The following CFH variants were observed in gnomAD, a reference collection of about 807,000 sequenced individuals.
CFH encodes H factor 1 (complement).
Under a neutral mutation model 147.3 loss-of-function variants are expected in CFH, and 53 were observed. The observed-to-expected ratio is 0.36, with a 90% CI of 0.29 to 0.45. CFH has a LOEUF of 0.45. Among genes scored for constraint, CFH ranks in the 20% least tolerant of loss-of-function variants. The pLI, the probability that CFH is intolerant of heterozygous loss-of-function variation, is 1.00. For synonymous variants in CFH, 536 were observed against 489.4 expected (o/e 1.10, Z -1.26); for missense variants, 1,380 against 1,498.0 (o/e 0.92, Z 1.30).
intron 1 of CFH, 42 bp from the exon 2 acceptor site, chr1:196,672,936 A>C (rs370778401): frequency 2.7e-5 from 42 of 1,536,248 alleles, no homozygotes; most frequent in Non-Finnish European, 3.7e-5. Flanking sequence ...TGTACATTTA[A>C]ATAGACACTT....
chr1:196,689,212 A>G (rs958211661), intron 7 of CFH, among the ~76,000 whole-genome samples: 6 of 152,158 alleles, frequency 3.9e-5, no homozygotes, highest in African/African-American at 1.4e-4. Context: ...GTGATCCACA[A>G]GACATAATTT....
chr1:196,704,972 A>C (rs1422300760), intron 9 of CFH, among the ~76,000 whole-genome samples: 3 of 152,190 alleles, frequency 2.0e-5, no homozygotes, highest in Non-Finnish European at 2.9e-5. Flanking sequence ...GAGTCCCATG[A>C]AGTGTTTGCC....
chr1:196,702,374 C>A (rs889195448), intron 9 of CFH, among the ~76,000 whole-genome samples: 1 of 152,136 alleles, frequency 6.6e-6, no homozygotes, highest in African/African-American at 2.4e-5. Context: ...TTCCCCATAA[C>A]AACTGCTTAC....
intron 1 of CFH, among the ~76,000 whole-genome samples, chr1:196,670,946 C>G (rs1667256426): frequency 6.6e-6 from 1 of 152,116 alleles, no homozygotes; most frequent in African/African-American, 2.4e-5. Context: ...TAACTTGACT[C>G]TACACCACAC....
chr1:196,704,268 T>A (rs1261717468), intron 9 of CFH, among the ~76,000 whole-genome samples: 1 of 152,012 alleles, frequency 6.6e-6, no homozygotes. Context: ...CTAATTTTTA[T>A]ATTTTTAGTA....
At chr1:196,654,262 CA>C (rs1046995858) in intron 1 of CFH, among the ~76,000 whole-genome samples, 4 of 151,460 alleles carry the variant, frequency 2.6e-5, no homozygotes, top group African/African-American at 4.8e-5. Context: ...GAACTTTCTT[CA>C]AAAAAAACAC....
intron 11 of CFH, among the ~76,000 whole-genome samples, chr1:196,716,930 T>A (rs1227239148): frequency 6.6e-6 from 1 of 151,874 alleles, no homozygotes; most frequent in Non-Finnish European, 1.5e-5. Flanking sequence ...AGATATGCAT[T>A]TCGGAATATC....
chr1:196,715,726 A>C lies in CFH; in HGVS notation c.1653A>C (p.Ile551=), dbSNP rs1668856042. 2 of 1,612,646 alleles carry C rather than the reference A, an allele frequency of 1.2e-6. No homozygotes were observed. Among genetic ancestry groups the C allele is most frequent in the Admixed American group, 1.7e-5 (1 of 59,884 alleles). ...ATACTGGAAGCACCACTGGTTCCAT[A>C]GTGTGTGGTTACAATGGTTGGTCTG... is the stretch of plus-strand genomic sequence containing the variant. ...ESNTGSTTGS[I]VCGYNGWSDL... The change falls in exon 11 of 22, where the codon ATA becomes ATC. Residue 551 remains isoleucine, a synonymous_variant. Transcript: ENST00000367429.
chr1:196,687,242 G>A (rs140114912), intron 7 of CFH, among the ~76,000 whole-genome samples: 31 of 152,120 alleles, frequency 2.0e-4, no homozygotes, highest in African/African-American at 7.5e-4. Flanking sequence ...TAAATGCTGT[G>A]AAACCAAAAA....
chr1:196,712,476 T>C (rs1198650317), intron 9 of CFH, among the ~76,000 whole-genome samples: 2 of 151,842 alleles, frequency 1.3e-5, no homozygotes, highest in African/African-American at 4.8e-5. Context: ...TAATTTAATA[T>C]GTTTTTATTA....
chr1:196,714,882 A>T (rs1668830501), intron 10 of CFH, among the ~76,000 whole-genome samples: 1 of 150,580 alleles, frequency 6.6e-6, no homozygotes, highest in African/African-American at 2.4e-5. Context: ...CGTATTTTTA[A>T]TAGAGACAGG....
At chr1:196,673,629 C>T (rs1268469092) in intron 2 of CFH, among the ~76,000 whole-genome samples, 1 of 152,224 alleles carries the variant, frequency 6.6e-6, no homozygotes, top group Admixed American at 6.5e-5. Context: ...AGCCACCGTG[C>T]CCAGCCAATA....
intron 7 of CFH, among the ~76,000 whole-genome samples, chr1:196,685,660 T>C (rs1042690768): frequency 1.6e-4 from 25 of 152,108 alleles, no homozygotes; most frequent in African/African-American, 6.0e-4. Flanking sequence ...GACTGTCTTC[T>C]TGTGTTGCAA....
rs577728748 is a variant in CFH, at chr1:196,680,684, G to T, written c.790+891G>T. ...ACATATGGTCCAGAAATCTAAAAGG[G>T]TGATACTGCCATACTGTGAGAGAAA... On this transcript the variant is annotated intron_variant, in intron 6 of 21. Transcript: ENST00000367429. Among the ~76,000 whole-genome samples, 138 of 151,814 alleles carry T rather than the reference G, an allele frequency of 9.1e-4. 1 individual carries two copies. The highest frequency in any genetic ancestry group is 1.7e-3 in the Non-Finnish European group (113 of 67,846).
intron 18 of CFH, chr1:196,741,453 C>A: frequency 4.5e-6 from 1 of 220,992 alleles, no homozygotes; most frequent in Non-Finnish European, 9.1e-6. Context: ...ACTCACTCAC[C>A]ATCGTGAGAA....
chr1:196,736,443 A>G (rs912488486), intron 15 of CFH, among the ~76,000 whole-genome samples: 3 of 152,110 alleles, frequency 2.0e-5, no homozygotes, highest in Non-Finnish European at 4.4e-5. Context: ...TTGATTATAG[A>G]TATCAATTTT....
At chr1:196,742,344 C>A (rs1322201323) in intron 19 of CFH, among the ~76,000 whole-genome samples, 1 of 151,950 alleles carries the variant, frequency 6.6e-6, no homozygotes, top group Non-Finnish European at 1.5e-5. Context: ...CCACTGCACT[C>A]CACCCAGGGT....
intron 15 of CFH, among the ~76,000 whole-genome samples, chr1:196,733,208 C>A (rs1021788511): frequency 6.6e-6 from 1 of 151,942 alleles, no homozygotes; most frequent in Non-Finnish European, 1.5e-5. Flanking sequence ...TTTTTGTTTG[C>A]GTCATTAGAT....
Position 196,670,857 on chromosome 1 carries a change from C to T in CFH, c.59-2121C>T, listed in dbSNP as rs893097670. ...GATTTCTTTCATCAATTTTGGAAAC[C>T]TTTGAGCTATTGTTTCTTCAAATAT... On this transcript the variant is annotated intron_variant, in intron 1 of 21. Coordinates refer to ENST00000367429, the MANE Select transcript of CFH (RefSeq NM_000186.4). Among the ~76,000 whole-genome samples the T allele has an allele frequency of 8.4e-4, 128 of 152,088 alleles. 1 individual carries two copies. The highest frequency in any genetic ancestry group is 3.0e-3 in the African/African-American group (123 of 41,496).
Sources: allele counts gnomAD v4.1 joint callset (sites outside exome capture counted in the v4.1 genomes callset), GRCh38; gene constraint gnomAD v4.1.1; transcripts MANE v1.5; gene names NCBI Gene and HGNC (gene_info 2026-07-23, HGNC 2026-07-21).